ASH1L: variants seen among roughly 807,000 people sequenced by gnomAD.
ASH1L encodes ASH1 like histone lysine methyltransferase.
In ASH1L, 23 loss-of-function variants were observed where a neutral mutation model predicts 269.0. The ratio of observed to expected loss-of-function variants is 0.09; its 90% CI spans 0.06 to 0.12. ASH1L has a LOEUF of 0.12. Among genes scored for constraint, ASH1L ranks in the 10% least tolerant of loss-of-function variants. The pLI, the probability that ASH1L is intolerant of heterozygous loss-of-function variation, is 1.00. For synonymous variants in ASH1L, 1,187 were observed against 1,253.5 expected (o/e 0.95, Z 1.12); for missense variants, 2,912 against 3,567.8 (o/e 0.82, Z 4.68).
chr1:155,365,938 G>C (rs895987320), intron 12 of ASH1L, among the ~76,000 whole-genome samples: 3 of 151,838 alleles, frequency 2.0e-5, no homozygotes, highest in Admixed American at 6.6e-5. Flanking sequence ...CTTCATCCCT[G>C]TTTACCCCTA....
chr1:155,469,923 G>A (rs1032700684), intron 3 of ASH1L, among the ~76,000 whole-genome samples: 1 of 152,076 alleles, frequency 6.6e-6, no homozygotes, highest in African/African-American at 2.4e-5. Context: ...ATATAAACGA[G>A]GACTTTATGA....
intron 15 of ASH1L, 70 bp downstream of exon 15, chr1:155,357,246 C>A: frequency 7.9e-7 from 1 of 1,269,798 alleles, no homozygotes; most frequent in Non-Finnish European, 1.1e-6. Flanking sequence ...ATAGAAGTTT[C>A]ATAATTTTTT....
chr1:155,398,912 T>C (rs2148492938), intron 6 of ASH1L, among the ~76,000 whole-genome samples: 1 of 152,168 alleles, frequency 6.6e-6, no homozygotes, highest in East Asian at 1.9e-4. Context: ...TTATTTATTT[T>C]TGTAGACACG....
chr1:155,402,587 C>A (rs973619530), intron 6 of ASH1L, among the ~76,000 whole-genome samples: 3 of 152,120 alleles, frequency 2.0e-5, no homozygotes, highest in Non-Finnish European at 2.9e-5. Context: ...CCTTGTTCTG[C>A]CACCCAGGTT....
At chr1:155,371,893 C>T (rs1242403068) in intron 10 of ASH1L, among the ~76,000 whole-genome samples, 2 of 152,038 alleles carry the variant, frequency 1.3e-5, no homozygotes, top group African/African-American at 4.8e-5. Flanking sequence ...AGGGTTTTAC[C>T]ATGTTGGCCA....
At chr1:155,558,413 G>T (rs1250395490) in intron 1 of ASH1L, among the ~76,000 whole-genome samples, 1 of 152,102 alleles carries the variant, frequency 6.6e-6, no homozygotes, top group African/African-American at 2.4e-5. Flanking sequence ...AGAGGTTGCA[G>T]CGAGCTGAGA....
chr1:155,407,393 T>C (rs151070387), intron 6 of ASH1L, among the ~76,000 whole-genome samples: 1 of 152,296 alleles, frequency 6.6e-6, no homozygotes, highest in African/African-American at 2.4e-5. Flanking sequence ...ATATTATATA[T>C]ACAATTACTA....
chr1:155,354,204 G>T (rs551831591), intron 16 of ASH1L, among the ~76,000 whole-genome samples: 1 of 152,328 alleles, frequency 6.6e-6, no homozygotes, highest in South Asian at 2.1e-4. Context: ...CAAGGCAGGC[G>T]AATCACCTTG....
chr1:155,517,618 A>C (rs11264378), intron 2 of ASH1L, among the ~76,000 whole-genome samples: 1 of 151,432 alleles, frequency 6.6e-6, no homozygotes, highest in African/African-American at 2.4e-5. Context: ...ACTCCAGCCT[A>C]GGCGACAGAG....
intron 7 of ASH1L, among the ~76,000 whole-genome samples, 184 bp downstream of exon 7, chr1:155,395,275 C>T (rs1658252031): frequency 6.6e-6 from 1 of 152,140 alleles, no homozygotes. Context: ...ATTTATGCCA[C>T]TGTGACCCCC....
At chr1:155,431,841 C>T (rs1408545033) in intron 5 of ASH1L, among the ~76,000 whole-genome samples, 1 of 152,178 alleles carries the variant, frequency 6.6e-6, no homozygotes. Flanking sequence ...TCTTGAACTC[C>T]TGGCCTCAAG....
rs570032202 is a variant in ASH1L at position 155,352,925 on chromosome 1, A to G, written c.7214-67T>C. On this transcript the variant is annotated intron_variant, in intron 16 of 27. Coordinates refer to ENST00000392403, the MANE Select transcript of ASH1L (RefSeq NM_018489.3). ...GCTCTACATGTCTTTCTCTTTCCCA[A>G]TGGATTCCTGCCATTTGCTCTATTT... The G allele has an allele frequency of 5.3e-4, 761 of 1,446,854 alleles. 13 individuals are homozygous for G. In the South Asian group the frequency reaches 8.8e-3, roughly 17 times the overall value. 89.6% of individuals were successfully genotyped at this position (1,446,854 alleles called of 1,614,324 possible).
At chr1:155,376,926 A>G (rs1401012759) in intron 10 of ASH1L, among the ~76,000 whole-genome samples, 1 of 145,694 alleles carries the variant, frequency 6.9e-6, no homozygotes, top group African/African-American at 2.5e-5. Flanking sequence ...TTTGGGGGGG[A>G]GATGGAGTTT....
chr1:155,401,162 C>CA (rs1013217912), intron 6 of ASH1L, among the ~76,000 whole-genome samples: 31 of 138,358 alleles, frequency 2.2e-4, no homozygotes, highest in South Asian at 4.6e-4. Flanking sequence ...CTCTCTGTCT[C>CA]AAAAAAAAAA....
At chr1:155,371,031 T>C (rs1655899143) in intron 10 of ASH1L, 48 bp from the exon 11 acceptor site, 1 of 1,506,114 alleles carries the variant, frequency 6.6e-7, no homozygotes, top group East Asian at 2.3e-5. Context: ...GATACATACC[T>C]TGATGCATCC....
chr1:155,480,464 C>T lies in ASH1L; in HGVS notation c.2406G>A (p.Lys802=). The T allele has an allele frequency of 6.2e-7, 1 of 1,614,044 alleles. No homozygotes were observed. The highest frequency in any genetic ancestry group is 8.5e-7 in the Non-Finnish European group (1 of 1,179,952). The change falls in exon 3 of 28, where the codon AAG becomes AAA. Residue 802 remains lysine, a synonymous_variant. Transcript: ENST00000392403. ...AGGATAGTTTGTGAGTAGCAAAAGA[C>T]TTATGAGATGGTTTTTCACTATCAG... ...LLADSEKPSH[K]SFATHKLSSS...
intron 13 of ASH1L, 75 bp downstream of exon 13, chr1:155,360,226 T>A: frequency 9.7e-7 from 1 of 1,028,440 alleles, no homozygotes; most frequent in Non-Finnish European, 1.5e-6. Context: ...GTCAATCATG[T>A]TTACAGAAAG....
chr1:155,525,879 T>C (rs946968263), intron 1 of ASH1L, among the ~76,000 whole-genome samples: 4 of 152,164 alleles, frequency 2.6e-5, no homozygotes, highest in Non-Finnish European at 4.4e-5. Flanking sequence ...GTATGGTATT[T>C]GCATACAGCC....
intron 5 of ASH1L, among the ~76,000 whole-genome samples, chr1:155,430,224 C>T (rs1235600777): frequency 6.6e-6 from 1 of 152,112 alleles, no homozygotes; most frequent in Admixed American, 6.6e-5. Flanking sequence ...AATACTCCTG[C>T]CTCTGCCTCC....
Sources: gnomAD v4.1 joint callset for allele counts (sites outside exome capture counted in the v4.1 genomes callset) on GRCh38, gnomAD v4.1.1 for gene constraint, MANE v1.5 for transcripts, NCBI Gene and HGNC (gene_info 2026-07-23, HGNC 2026-07-21) for gene names.